Variants in NIPSNAP1 observed in about 807,000 individuals in gnomAD.
The protein encoded by NIPSNAP1 is protein NipSnap homolog 1.
NIPSNAP1 carries 25 observed loss-of-function variants against 49.2 expected under a neutral mutation model. That is an observed-to-expected ratio of 0.51 (90% CI 0.37 to 0.71). The LOEUF (loss-of-function observed/expected upper bound fraction) is 0.71. Among genes scored for constraint, NIPSNAP1 ranks in the 30% least tolerant of loss-of-function variants. NIPSNAP1 has a pLI of 0.00. For missense variants in NIPSNAP1, 294 were observed against 361.0 expected (o/e 0.81, Z 1.50); for synonymous variants, 143 against 140.7 (o/e 1.02, Z -0.12).
intron 6 of NIPSNAP1, 129 bp from the exon 7 acceptor site, chr22:29,561,331 C>A (rs1328464187): frequency 4.1e-6 from 6 of 1,454,946 alleles, no homozygotes; most frequent in African/African-American, 1.4e-5. Flanking sequence ...TGGCCTCATT[C>A]GCAGGCCCTG....
At chr22:29,558,368 C>T (rs918134138) in intron 9 of NIPSNAP1, among the ~76,000 whole-genome samples, 9 of 152,014 alleles carry the variant, frequency 5.9e-5, no homozygotes, top group Non-Finnish European at 1.0e-4. Flanking sequence ...ACTCGGGAGG[C>T]TGAGGCAGGA....
At chr22:29,561,756 C>T in intron 5 of NIPSNAP1, 36 bp downstream of exon 5, 1 of 1,613,546 alleles carries the variant, frequency 6.2e-7, no homozygotes. Flanking sequence ...CTGCATCCCA[C>T]ATCCAGAGAG....
chr22:29,580,180 T>A, intron 1 of NIPSNAP1: 3 of 1,303,954 alleles, frequency 2.3e-6, no homozygotes, highest in Non-Finnish European at 3.0e-6. Flanking sequence ...AAAAATGAGA[T>A]CATGGTCTAG....
intron 1 of NIPSNAP1, among the ~76,000 whole-genome samples, chr22:29,575,258 A>G (rs1353545620): frequency 6.6e-6 from 1 of 152,178 alleles, no homozygotes; most frequent in Non-Finnish European, 1.5e-5. Flanking sequence ...TCAGTCAAAT[A>G]GCCAGCCCTG....
intron 9 of NIPSNAP1, among the ~76,000 whole-genome samples, chr22:29,557,210 C>T (rs960024354): frequency 3.8e-4 from 57 of 151,782 alleles, no homozygotes; most frequent in African/African-American, 1.3e-3. Context: ...CCTCCGCCTC[C>T]TGGGTTCAAG....
chr22:29,579,879 T>C, intron 1 of NIPSNAP1: 1 of 357,036 alleles, frequency 2.8e-6, no homozygotes, highest in South Asian at 2.1e-5. Flanking sequence ...AACTCTAGGC[T>C]TTTCCCACGG....
At chr22:29,568,302 T>A (rs1055422711) in intron 4 of NIPSNAP1, among the ~76,000 whole-genome samples, 2 of 141,992 alleles carry the variant, frequency 1.4e-5, no homozygotes, top group Non-Finnish European at 1.5e-5. Flanking sequence ...CTGACCAACA[T>A]GTGAAACCCC....
chr22:29,580,570 T>G (rs2064490429), intron 1 of NIPSNAP1, among the ~76,000 whole-genome samples: 1 of 152,140 alleles, frequency 6.6e-6, no homozygotes, highest in Non-Finnish European at 1.5e-5. Flanking sequence ...CCATGGCCCC[T>G]GGGGATCCCC....
Position 29,576,439 on chromosome 22 carries a change from C to T in NIPSNAP1, c.98+4546G>A, listed in dbSNP as rs113051981. Among the ~76,000 whole-genome samples, 9 of 151,498 alleles carry T rather than the reference C, an allele frequency of 5.9e-5. 1 individual carries two copies. The highest frequency in any genetic ancestry group is 2.2e-4 in the African/African-American group (9 of 40,812). On this transcript the variant is annotated intron_variant, in intron 1 of 9. Transcript: ENST00000216121. ...ATTATGTGCTTTGTTTATTGTCAGT[C>T]TCTAAACTGGAGGCAGCCCTAGCGG...
Position 29,581,032 on chromosome 22 carries a change from C to T in NIPSNAP1, c.51G>A (p.Gly17=). ...SISVTARRLL[G]GPGPRAGDVA... is the part of the protein sequence containing the mutation. Reference sequence around the variant, plus strand: ...CGTCCCCAGCGCGAGGCCCCGGGCCCCCCAGCAGCCGCCGCGCCGTCACAG... The same window carrying T: ...CGTCCCCAGCGCGAGGCCCCGGGCCTCCCAGCAGCCGCCGCGCCGTCACAG... Residue 17 remains glycine, a synonymous_variant, in exon 1 of 10, where the codon GGG becomes GGA. Transcript: ENST00000216121. 6.5e-7 allele frequency: 1 copy of T among 1,538,214 alleles called. No individual in the cohort carries two copies. The highest frequency in any genetic ancestry group is 8.7e-7 in the Non-Finnish European group (1 of 1,145,366).
In NIPSNAP1 at chr22:29,555,679, C is replaced by G. The variant is rs2146597546; in HGVS notation, c.*256G>C. The G allele has an allele frequency of 1.9e-6, 1 of 518,040 alleles. No individual in the cohort carries two copies. Among genetic ancestry groups the G allele is most frequent in the Non-Finnish European group, 3.5e-6 (1 of 284,370 alleles). 32.1% of individuals were successfully genotyped at this position (518,040 alleles called of 1,614,324 possible). A position where few individuals can be genotyped will look rare whatever the true frequency, so the allele number is the denominator to read the frequency against. On this transcript the variant is annotated 3_prime_UTR_variant, in exon 10 of 10. Transcript: ENST00000216121. ...GAAGATAAATGAAGGCCTAAAAGAT[C>G]ACTATCTTTCATTCAGGGAAATCAG...
At chr22:29,568,080 G>T (rs965894785) in intron 4 of NIPSNAP1, among the ~76,000 whole-genome samples, 1 of 150,236 alleles carries the variant, frequency 6.7e-6, no homozygotes, top group Non-Finnish European at 1.5e-5. Context: ...TCAGGAAGCT[G>T]AGGTGGGAGT....
intron 4 of NIPSNAP1, among the ~76,000 whole-genome samples, chr22:29,563,241 G>C (rs2064348622): frequency 6.6e-6 from 1 of 152,120 alleles, no homozygotes; most frequent in Non-Finnish European, 1.5e-5. Context: ...ACTCCAGCCT[G>C]GGTGGCAGGG....
chr22:29,579,972 T>G, intron 1 of NIPSNAP1: 3 of 794,616 alleles, frequency 3.8e-6, no homozygotes, highest in Non-Finnish European at 5.6e-6. Flanking sequence ...AAAGCCCCAC[T>G]GCTCTGTGCT....
At chr22:29,561,736 C>T (rs1467677905) in intron 5 of NIPSNAP1, 56 bp downstream of exon 5, 1 of 1,613,540 alleles carries the variant, frequency 6.2e-7, no homozygotes, top group Non-Finnish European at 8.5e-7. Context: ...GTCCCCAGAA[C>T]AGGGCTGGGC....
chr22:29,569,821 T>C, intron 3 of NIPSNAP1: 1 of 379,712 alleles, frequency 2.6e-6, no homozygotes, highest in South Asian at 2.2e-5. Context: ...AAACCCTGTC[T>C]CTACTAAATA....
At position 29,579,079 on chromosome 22, in the gene NIPSNAP1, C is replaced by CT. The variant is rs746073989; in HGVS notation, c.98+1905dup. ...GCTAGACACTTCACAACCACGGAAT[C>CT]TTTTTTTTTTGTAGACGGAGTCTCG... On this transcript the variant is annotated intron_variant, in intron 1 of 9. Transcript: ENST00000216121. 1.7e-3 allele frequency among the ~76,000 whole-genome samples: 258 copies of CT among 147,674 alleles called. 12 individuals carry two copies. Among genetic ancestry groups the CT allele is most frequent in the African/African-American group, 4.2e-3 (167 of 39,456 alleles).
intron 1 of NIPSNAP1, among the ~76,000 whole-genome samples, chr22:29,578,568 C>A (rs990230573): frequency 6.6e-6 from 1 of 151,308 alleles, no homozygotes; most frequent in Non-Finnish European, 1.5e-5. Flanking sequence ...GCTGGCCCTA[C>A]TAGTGACTCT....
At position 29,561,857 on chromosome 22, in the gene NIPSNAP1, G is replaced by A. The variant is rs1569245709; in HGVS notation, c.373C>T (p.Leu125=). 1 of 1,614,120 alleles carries A rather than the reference G, an allele frequency of 6.2e-7. No individual in the cohort carries two copies. Among genetic ancestry groups the A allele is most frequent in the East Asian group, 2.2e-5 (1 of 44,866 alleles). ...GGGTAGCCACCTGAGAATCGCCACA[G>A]GTGCACTGTTGGGGGTGAGAGGTAT... The part of the protein sequence containing the change: ...WYGEQDQAVH[L]WRFSGGYPAL... Residue 125 remains leucine (L), a synonymous_variant, in exon 5 of 10, where the codon CTG becomes TTG. Transcript: ENST00000216121.
Sources: allele counts gnomAD v4.1 joint callset (sites outside exome capture counted in the v4.1 genomes callset), GRCh38; gene constraint gnomAD v4.1.1; transcripts MANE v1.5; gene names NCBI Gene and HGNC (gene_info 2026-07-23, HGNC 2026-07-21).